TSGA13: variants seen among roughly 807,000 people sequenced by gnomAD.
TSGA13 encodes the protein testis-specific gene 13 protein.
Under a neutral mutation model 35.1 loss-of-function variants are expected in TSGA13, and 37 were observed. That is an observed-to-expected ratio of 1.05 (90% CI 0.81 to 1.39). The LOEUF (loss-of-function observed/expected upper bound fraction) is 1.39, where lower values mean the gene tolerates loss of function less well. TSGA13 is among the 40% of genes most tolerant of loss of function. The probability of loss-of-function intolerance (pLI) is 0.00; values close to 1 mark genes in which losing one functional copy is unlikely to be tolerated. For synonymous variants in TSGA13, 124 were observed against 121.2 expected (o/e 1.02, Z -0.15); for missense variants, 338 against 328.5 (o/e 1.03, Z -0.22).
chr7:130,678,222 A>G (rs557673937), intron 5 of TSGA13, among the ~76,000 whole-genome samples: 1 of 152,302 alleles, frequency 6.6e-6, no homozygotes, highest in African/African-American at 2.4e-5. Flanking sequence ...ACTAAAAAAT[A>G]CAAAAAATTA....
chr7:130,669,332 C>A, intron 7 of TSGA13, 149 bp from the exon 8 acceptor site: 1 of 847,042 alleles, frequency 1.2e-6, no homozygotes, highest in Non-Finnish European at 1.7e-6. Flanking sequence ...CCATTCCCAA[C>A]CTATTTTATA....
Position 130,672,759 on chromosome 7 carries a change from T to C in TSGA13, c.505A>G (p.Thr169Ala). The stretch of plus-strand genomic sequence containing the variant: ...CTAAACCATTGTTCTCGCTTGGATG[T>C]GGGATCATCCGACAGTATCAAAGGG... ...IFPLILSDDP[T>A]SKREQWFRFS... Residue 169 changes from threonine (T) to alanine (A), a missense_variant, in exon 6 of 8, where the codon ACA becomes GCA. Thr to Ala is a moderately conservative substitution (Grantham distance 58). Transcript: ENST00000356588. The C allele has an allele frequency of 6.2e-7, 1 of 1,614,070 alleles. No homozygotes were observed. The highest frequency in any genetic ancestry group is 1.1e-5 in the South Asian group (1 of 91,078).
At position 130,668,673 on chromosome 7, in the gene TSGA13, G is replaced by A; in HGVS notation, c.*341C>T. 1 of 1,540,102 alleles carries A rather than the reference G, an allele frequency of 6.5e-7. No individual in the cohort carries two copies. Among genetic ancestry groups the A allele is most frequent in the Non-Finnish European group, 8.7e-7 (1 of 1,145,092 alleles). On this transcript the variant is annotated 3_prime_UTR_variant, in exon 8 of 8. Transcript: ENST00000356588. ...CTTGTCGAATTTTTTAATCATCTTG[G>A]ACGACTTCCCAGCGCCCAGACCCAC... is the stretch of plus-strand genomic sequence containing the variant.
rs1314085262 is a variant in TSGA13, at chr7:130,671,802, G to A, written c.531-14C>T. The A allele has an allele frequency of 6.4e-7, 1 of 1,566,202 alleles. No homozygotes were observed. Among genetic ancestry groups the A allele is most frequent in the Non-Finnish European group, 8.7e-7 (1 of 1,151,484 alleles). On this transcript the variant is annotated splice_polypyrimidine_tract_variant and intron_variant, in intron 6 of 7. Coordinates refer to ENST00000356588, the MANE Select transcript of TSGA13 (RefSeq NM_052933.4). ...TCAGTGGAAAACCTTAACAAAGAAA[G>A]TTCTTTGTTTAGTAGATCCTAGGGC...
chr7:130,683,022 C>A (rs1284904316), intron 3 of TSGA13, among the ~76,000 whole-genome samples: 2 of 152,090 alleles, frequency 1.3e-5, no homozygotes, highest in East Asian at 1.9e-4. Flanking sequence ...GTATGAAGAC[C>A]TTTTCTCTTA....
chr7:130,674,362 G>A (rs62473533), intron 5 of TSGA13, among the ~76,000 whole-genome samples: 8,512 of 151,424 alleles, frequency 0.056, 349 homozygotes, highest in East Asian at 0.16. Context: ...TAGTAGAAAC[G>A]GGGTTTCACC....
intron 5 of TSGA13, among the ~76,000 whole-genome samples, chr7:130,678,263 T>C (rs375075439): frequency 3.9e-5 from 6 of 151,938 alleles, no homozygotes; most frequent in Non-Finnish European, 7.4e-5. Flanking sequence ...CCTGTAGTCC[T>C]AGCTGCTCGG....
Position 130,668,921 on chromosome 7 carries a change from C to G in TSGA13, c.*93G>C. Reference sequence around the variant, plus strand: ...GGCTTGCGACCCGGGAGCCCACGCCCGCAGCAGCAGGAATGTGGTTTTATT... The same window carrying G: ...GGCTTGCGACCCGGGAGCCCACGCCGGCAGCAGCAGGAATGTGGTTTTATT... On this transcript the variant is annotated 3_prime_UTR_variant, in exon 8 of 8. Transcript: ENST00000356588. 6.6e-7 allele frequency: 1 copy of G among 1,507,138 alleles called. No individual in the cohort carries two copies. Among genetic ancestry groups the G allele is most frequent in the South Asian group, 1.3e-5 (1 of 76,080 alleles). The allele number at this position is 1,507,138 out of a possible 1,614,324, so 93.4% of individuals were successfully genotyped here. A position where few individuals can be genotyped will look rare whatever the true frequency, so the allele number is the denominator to read the frequency against.
intron 3 of TSGA13, among the ~76,000 whole-genome samples, chr7:130,683,059 G>T (rs1405360243): frequency 1.3e-5 from 2 of 152,114 alleles, no homozygotes; most frequent in Non-Finnish European, 2.9e-5. Context: ...AATAATTTTA[G>T]GGGGAAATTC....
rs957584637 is a variant in TSGA13, at chr7:130,679,165, A to G, written c.377T>C (p.Leu126Pro). ...ASKYFSKELL[L>P]KVMESHHQHK... The stretch of plus-strand genomic sequence containing the variant: ...GAGACTTCTGCTTACCATGACCTTG[A>G]GCAGTAACTCCTTGGAAAAATATTT... Residue 126 changes from leucine to proline, a missense_variant, in exon 5 of 8, where the codon CTC (leucine) becomes CCC (proline). Physicochemically the swap from Leu to Pro is moderately conservative, Grantham distance 98 (BLOSUM62 -3). Transcript: ENST00000356588. 1.3e-5 allele frequency: 21 copies of G among 1,613,910 alleles called. No individual in the cohort carries two copies. The highest frequency in any genetic ancestry group is 1.8e-5 in the Non-Finnish European group (21 of 1,179,814).
intron 5 of TSGA13, among the ~76,000 whole-genome samples, chr7:130,677,199 G>C (rs922450905): frequency 6.6e-6 from 1 of 151,726 alleles, no homozygotes; most frequent in Non-Finnish European, 1.5e-5. Flanking sequence ...GCCAGATTTT[G>C]ATTCTTAAAT....
In TSGA13 at chr7:130,668,827, G is replaced by C; in HGVS notation, c.*187C>G. On this transcript the variant is annotated 3_prime_UTR_variant, in exon 8 of 8. Transcript: ENST00000356588. ...AGGCCCGCCCTCCCCGGCCGCCCTC[G>C]GCCCCCGGGACGCAGCCACGCCCCC... 1 of 1,279,364 alleles carries C rather than the reference G, an allele frequency of 7.8e-7. No individual in the cohort carries two copies. The highest frequency in any genetic ancestry group is 1.0e-6 in the Non-Finnish European group (1 of 953,774). The allele number at this position is 1,279,364 out of a possible 1,614,324, so 79.3% of individuals were successfully genotyped here. A position where few individuals can be genotyped will look rare whatever the true frequency, so the allele number is the denominator to read the frequency against.
chr7:130,685,580 A>G (rs1193878311), intron 1 of TSGA13, among the ~76,000 whole-genome samples: 2 of 152,234 alleles, frequency 1.3e-5, no homozygotes, highest in Admixed American at 6.5e-5. Context: ...TGCAAAATGG[A>G]AAGTATTAAC....
chr7:130,670,768 A>G (rs557275708), intron 7 of TSGA13, among the ~76,000 whole-genome samples: 3 of 152,158 alleles, frequency 2.0e-5, no homozygotes, highest in African/African-American at 7.2e-5. Flanking sequence ...CTACAGGTGC[A>G]TGCCGCCACA....
chr7:130,685,107 C>G (rs1796632544), intron 2 of TSGA13, 81 bp downstream of exon 2: 2 of 1,365,950 alleles, frequency 1.5e-6, no homozygotes, highest in Admixed American at 3.4e-5. Flanking sequence ...GTGACCAGCA[C>G]CATTCAACGT....
chr7:130,673,324 G>A (rs1451925839), intron 5 of TSGA13, among the ~76,000 whole-genome samples: 5 of 152,146 alleles, frequency 3.3e-5, no homozygotes, highest in Admixed American at 6.5e-5. Flanking sequence ...GGGATGTTGT[G>A]AAGTAATAAT....
chr7:130,672,699 A>C (rs782370684), intron 6 of TSGA13, 35 bp downstream of exon 6: 12 of 1,602,050 alleles, frequency 7.5e-6, no homozygotes, highest in Non-Finnish European at 9.4e-6. Flanking sequence ...AAAAGATAGG[A>C]AAGAAAGCAA....
upstream of TSGA13, chr7:130,686,756 A>C (rs1554465815): frequency 6.8e-6 from 1 of 147,046 alleles, no homozygotes; most frequent in East Asian, 2.0e-4. Context: ...ACCATCTCTT[A>C]ATCTACCTCT....
chr7:130,669,089 G>T lies in TSGA13; in HGVS notation c.753C>A (p.Thr251=). 1 of 1,614,224 alleles carries T rather than the reference G, an allele frequency of 6.2e-7. No individual in the cohort carries two copies. The highest frequency in any genetic ancestry group is 1.1e-5 in the South Asian group (1 of 91,086). Residue 251 remains threonine (T), a synonymous_variant, in exon 8 of 8, where the codon ACC becomes ACA. Coordinates refer to ENST00000356588, the MANE Select transcript of TSGA13 (RefSeq NM_052933.4). ...ASLLEDMPTR[T]APGESAFRNG... is the part of the protein sequence containing the mutation. ...TGCGGAAGGCGCTCTCCCCGGGCGC[G>T]GTTCTGGTGGGCATGTCTTCCAAGA...
Sources: allele counts gnomAD v4.1 joint callset (sites outside exome capture counted in the v4.1 genomes callset), GRCh38; gene constraint gnomAD v4.1.1; transcripts MANE v1.5; gene names NCBI Gene and HGNC (gene_info 2026-07-23, HGNC 2026-07-21).